The following MMS22L variants were observed in gnomAD, a reference collection of about 807,000 sequenced individuals.
MMS22L encodes MMS22 like, DNA repair protein.
In MMS22L, 74 loss-of-function variants were observed where a neutral mutation model predicts 159.1. That is an observed-to-expected ratio of 0.47 (90% CI 0.39 to 0.56). MMS22L has a LOEUF of 0.56. MMS22L is among the 20% of genes least tolerant of loss of function. The probability of loss-of-function intolerance (pLI) is 0.00; values close to 1 mark genes in which losing one functional copy is unlikely to be tolerated. For missense variants in MMS22L, 1,351 were observed against 1,422.1 expected (o/e 0.95, Z 0.80); for synonymous variants, 517 against 506.9 (o/e 1.02, Z -0.27).
chr6:97,194,299 G>A (rs1441220823), intron 14 of MMS22L, among the ~76,000 whole-genome samples: 3 of 151,730 alleles, frequency 2.0e-5, no homozygotes, highest in Admixed American at 1.3e-4. Context: ...CTTGAGATCC[G>A]CTCACCTTGG....
chr6:97,226,643 C>T (rs891687101), intron 14 of MMS22L, among the ~76,000 whole-genome samples: 1 of 145,630 alleles, frequency 6.9e-6, no homozygotes, highest in Non-Finnish European at 1.5e-5. Flanking sequence ...ATATCCTATA[C>T]ATTCTTTATA....
chr6:97,171,000 T>C (rs777073311), intron 19 of MMS22L, among the ~76,000 whole-genome samples: 35 of 152,062 alleles, frequency 2.3e-4, no homozygotes, highest in Non-Finnish European at 4.9e-4. Flanking sequence ...AGGGAGACTC[T>C]GTCTCAAAAA....
At chr6:97,207,455 A>G (rs759807490) in intron 14 of MMS22L, among the ~76,000 whole-genome samples, 12 of 152,168 alleles carry the variant, frequency 7.9e-5, no homozygotes, top group Non-Finnish European at 1.8e-4. Flanking sequence ...CATTACAACT[A>G]TTTGCTTTAA....
chr6:97,237,383 G>C (rs1444518827), intron 11 of MMS22L, among the ~76,000 whole-genome samples: 1 of 152,032 alleles, frequency 6.6e-6, no homozygotes. Context: ...TTTTGGACAA[G>C]GCCTTAACTC....
In MMS22L at chr6:97,282,372, T is replaced by A; in HGVS notation, c.106A>T (p.Arg36Ter). The change falls in exon 2 of 25, where the codon AGA becomes TGA. Residue 36 changes from arginine to a stop codon, truncating the protein, a stop_gained. Transcript: ENST00000683635. LOFTEE classifies it high-confidence loss of function. Reference sequence around the variant, plus strand: ...CCAGAAAAATGTTTTCCTCCTCCTCTGTTGTCAACAGCACAAGAAAAGTAA... The same window carrying A: ...CCAGAAAAATGTTTTCCTCCTCCTCAGTTGTCAACAGCACAAGAAAAGTAA... ...PPYFSCAVDNRGGGKHFSGES... is the reference protein window; with the variant it reads ...PPYFSCAVDN 1 of 1,614,192 alleles carries A rather than the reference T, an allele frequency of 6.2e-7. No homozygotes were observed. Among genetic ancestry groups the A allele is most frequent in the Non-Finnish European group, 8.5e-7 (1 of 1,180,010 alleles).
Position 97,144,867 on chromosome 6 carries a change from ATTC to A in MMS22L, c.*1936_*1938del, listed in dbSNP as rs1252752372. On this transcript the variant is annotated 3_prime_UTR_variant, in exon 25 of 25. Coordinates refer to ENST00000683635, the MANE Select transcript of MMS22L (RefSeq NM_001350599.2). ...TATTGTTACACACTTTGTTGTTACC[ATTC>A]TTAAGTACAAATTTTAGTTATTCTT... 6.6e-6 allele frequency: 1 copy of A among 152,166 alleles called. No individual in the cohort carries two copies. The highest frequency in any genetic ancestry group is 1.5e-5 in the Non-Finnish European group (1 of 68,020). 9.4% of individuals were successfully genotyped at this position (152,166 alleles called of 1,614,324 possible). A position where few individuals can be genotyped will look rare whatever the true frequency, so the allele number is the denominator to read the frequency against.
intron 20 of MMS22L, 151 bp from the exon 21 acceptor site, chr6:97,165,608 C>A: frequency 1.4e-6 from 1 of 689,860 alleles, no homozygotes; most frequent in Non-Finnish European, 2.4e-6. Context: ...AGATAATGTA[C>A]ATACGAATTA....
rs1804465388 is a variant in MMS22L, at chr6:97,179,421, C to A, written c.2523G>T (p.Leu841=). The change falls in exon 17 of 25, where the codon CTG becomes CTT. Residue 841 remains leucine, a synonymous_variant. Coordinates refer to ENST00000683635, the MANE Select transcript of MMS22L (RefSeq NM_001350599.2). ...GPDDLLIDKN[L]EEAVEKEYMK... Reference sequence around the variant, plus strand: ...ACACTTACTTACCAACTGCCTCTTCCAGATTTTTATCTATGAGCAAATCAT... The same window carrying A: ...ACACTTACTTACCAACTGCCTCTTCAAGATTTTTATCTATGAGCAAATCAT... 1 of 1,612,034 alleles carries A rather than the reference C, an allele frequency of 6.2e-7. No homozygotes were observed. The highest frequency in any genetic ancestry group is 1.3e-5 in the African/African-American group (1 of 74,858).
chr6:97,235,597 C>T (rs1433328191), intron 11 of MMS22L, among the ~76,000 whole-genome samples: 1 of 152,138 alleles, frequency 6.6e-6, no homozygotes, highest in Non-Finnish European at 1.5e-5. Flanking sequence ...CAGGATTGAC[C>T]TCTGCTCAGA....
intron 14 of MMS22L, among the ~76,000 whole-genome samples, chr6:97,214,040 T>C (rs948799084): frequency 2.0e-5 from 3 of 152,218 alleles, no homozygotes; most frequent in Non-Finnish European, 4.4e-5. Context: ...GAACATACGC[T>C]ATGGCTCCCA....
chr6:97,262,218 C>A (rs1282725598), intron 9 of MMS22L, among the ~76,000 whole-genome samples: 1 of 151,924 alleles, frequency 6.6e-6, no homozygotes, highest in Non-Finnish European at 1.5e-5. Context: ...TCAGCAACTG[C>A]CTCTAGGTTA....
intron 4 of MMS22L, among the ~76,000 whole-genome samples, chr6:97,278,203 G>A (rs370714596): frequency 6.6e-6 from 1 of 152,116 alleles, no homozygotes; most frequent in Admixed American, 6.6e-5. Context: ...AGGAGTTTGC[G>A]ATCAGCCTGG....
At chr6:97,241,267 C>T (rs1245520721) in intron 11 of MMS22L, among the ~76,000 whole-genome samples, 1 of 152,190 alleles carries the variant, frequency 6.6e-6, no homozygotes, top group Non-Finnish European at 1.5e-5. Flanking sequence ...CTGCTATAAA[C>T]ATGCATGTGC....
At chr6:97,147,009 A>C in intron 24 of MMS22L, 122 bp from the exon 25 acceptor site, 1 of 629,676 alleles carries the variant, frequency 1.6e-6, no homozygotes, top group Non-Finnish European at 2.7e-6. Context: ...TCCATCCAGC[A>C]GGCTTAGCAC....
intron 22 of MMS22L, among the ~76,000 whole-genome samples, chr6:97,161,252 A>G (rs1004966988): frequency 1.3e-5 from 2 of 152,030 alleles, no homozygotes; most frequent in Non-Finnish European, 2.9e-5. Flanking sequence ...CACAGTCTCC[A>G]TGTGAAGACA....
chr6:97,225,537 C>T (rs1157999861), intron 14 of MMS22L, among the ~76,000 whole-genome samples: 2 of 151,290 alleles, frequency 1.3e-5, no homozygotes, highest in Admixed American at 1.3e-4. Flanking sequence ...TTAGTAGTGA[C>T]GGCGTTTCAC....
At chr6:97,231,302 T>C (rs1007438187) in intron 13 of MMS22L, 124 bp downstream of exon 13, 16 of 681,806 alleles carry the variant, frequency 2.3e-5, no homozygotes, top group Non-Finnish European at 3.7e-5. Context: ...ATGCATATAA[T>C]GGATTACCTA....
chr6:97,148,253 C>T (rs1281249035), intron 24 of MMS22L, among the ~76,000 whole-genome samples: 2 of 152,090 alleles, frequency 1.3e-5, no homozygotes, highest in African/African-American at 4.8e-5. Context: ...GTATATAATA[C>T]TTGATAATAA....
chr6:97,148,343 T>C lies in MMS22L; in HGVS notation c.3651-1456A>G, dbSNP rs1425042245. Among the ~76,000 whole-genome samples, 9 of 152,176 alleles carry C rather than the reference T, an allele frequency of 5.9e-5. No individual in the cohort carries two copies. In the South Asian group the frequency reaches 1.4e-3, roughly 24 times the overall value. On this transcript the variant is annotated intron_variant, in intron 24 of 24. Coordinates refer to ENST00000683635, the MANE Select transcript of MMS22L (RefSeq NM_001350599.2). ...TAGAGTGTACTCCTCTTTATACTTA[T>C]AAAAATAAAAGTTAACTGTAAAACA...
Sources: allele counts gnomAD v4.1 joint callset (sites outside exome capture counted in the v4.1 genomes callset), GRCh38; gene constraint gnomAD v4.1.1; transcripts MANE v1.5; gene names NCBI Gene and HGNC (gene_info 2026-07-23, HGNC 2026-07-21).